The following SETD2 variants were observed in gnomAD, a reference collection of about 807,000 sequenced individuals.
SETD2 encodes SET domain containing 2, histone lysine methyltransferase.
In SETD2, 31 loss-of-function variants were observed where a neutral mutation model predicts 242.1. That is an observed-to-expected ratio of 0.13 (90% CI 0.10 to 0.17). The LOEUF is 0.17. SETD2 is among the 10% of genes least tolerant of loss of function. The pLI, the probability that SETD2 is intolerant of heterozygous loss-of-function variation, is 1.00. For missense variants in SETD2, 2,481 were observed against 3,046.3 expected, an observed-to-expected ratio of 0.81 and a Z score of 4.37; for synonymous variants, 1,006 against 1,066.5, an observed-to-expected ratio of 0.94 and a Z score of 1.11.
At chr3:47,163,802 G>A (rs1252433598) in intron 1 of SETD2, 52 bp downstream of exon 1, 13 of 1,240,576 alleles carry the variant, frequency 1.0e-5, no homozygotes, top group African/African-American at 1.6e-5. Context: ...GCCGCCCTCG[G>A]CTGGGGATAA....
chr3:47,145,341 T>C (rs770787972), intron 1 of SETD2, among the ~76,000 whole-genome samples: 1 of 152,228 alleles, frequency 6.6e-6, no homozygotes, highest in Non-Finnish European at 1.5e-5. Flanking sequence ...TTTTATACAA[T>C]ATTTTTTAAT....
In SETD2 at chr3:47,124,813, A is replaced by G. The variant is rs1348837084; in HGVS notation, c.88-265T>C. On this transcript the variant is annotated intron_variant, in intron 2 of 20. Coordinates refer to ENST00000409792, the MANE Select transcript of SETD2 (RefSeq NM_014159.7). ...CATTCTTACTTTCTCGTACATAAATAACTTTTTTCAGTTTTATAACTATTT... is the reference window on the plus strand; with the variant it reads ...CATTCTTACTTTCTCGTACATAAATGACTTTTTTCAGTTTTATAACTATTT... Among the ~76,000 whole-genome samples, 4 of 152,202 alleles carry G rather than the reference A, an allele frequency of 2.6e-5. No individual in the cohort carries two copies. The East Asian group carries it at 7.7e-4, about 29-fold the overall frequency.
chr3:47,027,320 G>C (rs563345917), intron 18 of SETD2, among the ~76,000 whole-genome samples: 46 of 138,208 alleles, frequency 3.3e-4, no homozygotes, highest in Admixed American at 5.4e-4. Context: ...CTGGGCGACA[G>C]AGCGAGACTC....
chr3:47,129,089 G>A (rs1429741527), intron 1 of SETD2, among the ~76,000 whole-genome samples: 1 of 152,064 alleles, frequency 6.6e-6, no homozygotes, highest in African/African-American at 2.4e-5. Context: ...GTAAATTTGT[G>A]GAGTTGGGAG....
At chr3:47,152,051 G>C (rs936084699) in intron 1 of SETD2, among the ~76,000 whole-genome samples, 3 of 152,078 alleles carry the variant, frequency 2.0e-5, no homozygotes, top group African/African-American at 7.2e-5. Context: ...CTGCCAAAAA[G>C]TATACTATAC....
At chr3:47,063,986 A>C (rs199660143) in intron 13 of SETD2, among the ~76,000 whole-genome samples, 1 of 37,530 alleles carries the variant, frequency 2.7e-5, no homozygotes, top group East Asian at 4.1e-4. Flanking sequence ...CCATCTCGGG[A>C]GGAAAAAAAA....
intron 3 of SETD2, among the ~76,000 whole-genome samples, chr3:47,117,284 A>G (rs1011119949): frequency 7.8e-5 from 10 of 128,586 alleles, no homozygotes; most frequent in Admixed American, 4.7e-4. Context: ...AAAAAAACAA[A>G]CAAAAAAAAA....
chr3:47,042,739 T>C, intron 16 of SETD2, 39 bp from the exon 17 acceptor site: 1 of 1,551,770 alleles, frequency 6.4e-7, no homozygotes, highest in Non-Finnish European at 8.7e-7. Context: ...CAGTGATCTC[T>C]CTCTTAATCT....
rs10672755 is a variant in SETD2, at chr3:47,111,079, T to TAAAAAAAA, written c.4715+2789_4715+2796dup. The stretch of plus-strand genomic sequence containing the variant: ...GCTTGTGTCCAAACTGTGGTTCCTT[T>TAAAAAAAA]AAAAAAAAAAAAAAAAAAAAAAAAA... On this transcript the variant is annotated intron_variant, in intron 5 of 20. Transcript: ENST00000409792. Among the ~76,000 whole-genome samples, 32 of 78,800 alleles carry TAAAAAAAA rather than the reference T, an allele frequency of 4.1e-4. 8 individuals carry two copies. Among genetic ancestry groups the TAAAAAAAA allele is most frequent in the Admixed American group, 5.4e-4 (3 of 5,548 alleles). The allele number at this position is 78,800 out of a possible 152,430, so 51.7% of individuals were successfully genotyped here.
chr3:47,026,802 G>A (rs1255320247), intron 18 of SETD2, among the ~76,000 whole-genome samples: 3 of 151,968 alleles, frequency 2.0e-5, no homozygotes, highest in African/African-American at 7.3e-5. Flanking sequence ...ACTGGGGCCT[G>A]TCAGGGGGTA....
At chr3:47,042,343 C>T (rs977235391) in intron 17 of SETD2, among the ~76,000 whole-genome samples, 1 of 152,186 alleles carries the variant, frequency 6.6e-6, no homozygotes, top group African/African-American at 2.4e-5. Context: ...GCCTGGGTGA[C>T]AAAATAAATA....
Position 47,163,937 on chromosome 3 carries a change from G to C in SETD2, c.-13C>G, listed in dbSNP as rs1697588239. On this transcript the variant is annotated 5_prime_UTR_variant, in exon 1 of 21. Transcript: ENST00000409792. ...GCAGCTGCTTCATCGGGAGCGGCTG[G>C]AGACGGCGACGCGAGCCCCCTCCCC... 2.3e-6 allele frequency: 3 copies of C among 1,291,466 alleles called. No individual in the cohort carries two copies. Among genetic ancestry groups the C allele is most frequent in the Non-Finnish European group, 3.0e-6 (3 of 1,014,132 alleles). 80.0% of individuals were successfully genotyped at this position (1,291,466 alleles called of 1,614,324 possible). A position where few individuals can be genotyped will look rare whatever the true frequency, so the allele number is the denominator to read the frequency against.
intron 15 of SETD2, among the ~76,000 whole-genome samples, chr3:47,056,337 G>T (rs113734465): frequency 1.3e-5 from 2 of 151,754 alleles, no homozygotes; most frequent in African/African-American, 4.8e-5. Flanking sequence ...ATGTTGGCCC[G>T]GCTGATCTCA....
rs373562439 is a variant in SETD2 at position 47,124,432 on chromosome 3, C to T, written c.204G>A (p.Gln68=). The change falls in exon 3 of 21, where the codon CAG becomes CAA. Residue 68 remains glutamine, a synonymous_variant. Coordinates refer to ENST00000409792, the MANE Select transcript of SETD2 (RefSeq NM_014159.7). ...AGCTGAATGACACCTTCTGTCGTCC[C>T]TGTTCTTCCAAATTAACTTTTGTTT... ...GTKTKVNLEE[Q]GRQKVSFSFS... 2.0e-5 allele frequency: 31 copies of T among 1,551,842 alleles called. No individual in the cohort carries two copies. Among genetic ancestry groups the T allele is most frequent in the Non-Finnish European group, 2.6e-5 (30 of 1,147,066 alleles).
rs2106654022 is a variant in SETD2, at chr3:47,121,556, G to A, written c.3080C>T (p.Ala1027Val). Residue 1027 changes from alanine to valine, a missense_variant, in exon 3 of 21, where the codon GCC (alanine) becomes GTC (valine). Physicochemically the swap from Ala to Val is moderately conservative, Grantham distance 64. Transcript: ENST00000409792. Reference protein sequence around the residue: ...YALKCDSSGHAPEIVSTVHED... With the variant: ...YALKCDSSGHVPEIVSTVHED... ...ATGAACTGTAGACACAATTTCTGGG[G>A]CATGACCACTACTGTCACACTTTAA... The A allele has an allele frequency of 6.2e-7, 1 of 1,614,022 alleles. No individual in the cohort carries two copies. Among genetic ancestry groups the A allele is most frequent in the Non-Finnish European group, 8.5e-7 (1 of 1,179,934 alleles).
intron 9 of SETD2, among the ~76,000 whole-genome samples, chr3:47,092,683 A>T (rs2041853321): frequency 6.6e-6 from 1 of 152,056 alleles, no homozygotes. Flanking sequence ...AAGGGGTCTA[A>T]GTAGCATTTT....
chr3:47,151,112 AGAG>A (rs1244531879), intron 1 of SETD2, among the ~76,000 whole-genome samples: 5 of 152,080 alleles, frequency 3.3e-5, no homozygotes, highest in Admixed American at 6.6e-5. Flanking sequence ...CTCCATTAAA[AGAG>A]AAGAACATAT....
chr3:47,112,131 T>C (rs1231338872), intron 5 of SETD2, among the ~76,000 whole-genome samples: 1 of 151,008 alleles, frequency 6.6e-6, no homozygotes, highest in African/African-American at 2.4e-5. Context: ...TTTTTTTTTT[T>C]TGGAGACAGT....
intron 14 of SETD2, among the ~76,000 whole-genome samples, chr3:47,058,275 C>G (rs955364067): frequency 5.3e-5 from 8 of 151,616 alleles, no homozygotes; most frequent in African/African-American, 1.9e-4. Context: ...AAATACCCAT[C>G]TCTACTACAA....
Sources: allele counts gnomAD v4.1 joint callset (sites outside exome capture counted in the v4.1 genomes callset), GRCh38; gene constraint gnomAD v4.1.1; transcripts MANE v1.5; gene names NCBI Gene and HGNC (gene_info 2026-07-23, HGNC 2026-07-21).